SRRM4: variants seen among roughly 807,000 people sequenced by gnomAD.
SRRM4 encodes the protein serine/arginine repetitive matrix 4.
Under a neutral mutation model 68.9 loss-of-function variants are expected in SRRM4, and 33 were observed. The ratio of observed to expected loss-of-function variants is 0.48; its 90% CI spans 0.36 to 0.64. The LOEUF (loss-of-function observed/expected upper bound fraction) is 0.64. Among genes scored for constraint, SRRM4 ranks in the 30% least tolerant of loss-of-function variants. SRRM4 has a pLI of 0.00. For synonymous variants in SRRM4, 318 were observed against 318.8 expected (o/e 1.00, Z 0.03); for missense variants, 817 against 827.1 (o/e 0.99, Z 0.15).
At chr12:119,040,684 C>A (rs1313954696) in intron 1 of SRRM4, among the ~76,000 whole-genome samples, 1 of 151,992 alleles carries the variant, frequency 6.6e-6, no homozygotes, top group East Asian at 1.9e-4. Flanking sequence ...GGAATAATGA[C>A]TTCTTTTCTG....
intron 1 of SRRM4, among the ~76,000 whole-genome samples, chr12:119,006,882 G>T (rs1357676827): frequency 2.6e-5 from 4 of 152,224 alleles, no homozygotes; most frequent in African/African-American, 9.6e-5. Flanking sequence ...ATCTCTCCTG[G>T]CTGGAGACCG....
chr12:118,994,413 C>T (rs549623629), intron 1 of SRRM4, among the ~76,000 whole-genome samples: 46 of 152,252 alleles, frequency 3.0e-4, no homozygotes, highest in African/African-American at 1.1e-3. Flanking sequence ...AGACTCCCGG[C>T]TTGCAACTTG....
intron 8 of SRRM4, among the ~76,000 whole-genome samples, chr12:119,143,001 C>G (rs1954375586): frequency 6.6e-6 from 1 of 152,194 alleles, no homozygotes; most frequent in South Asian, 2.1e-4. Flanking sequence ...CCAGAGCAAC[C>G]TTATTTTGAG....
intron 2 of SRRM4, among the ~76,000 whole-genome samples, chr12:119,106,439 G>A (rs1307657440): frequency 2.0e-5 from 3 of 152,104 alleles, no homozygotes; most frequent in African/African-American, 7.2e-5. Flanking sequence ...TCCTATCCAT[G>A]AGCATGGAAT....
At chr12:119,011,256 C>G (rs149787952) in intron 1 of SRRM4, among the ~76,000 whole-genome samples, 2 of 152,094 alleles carry the variant, frequency 1.3e-5, no homozygotes, top group Non-Finnish European at 2.9e-5. Context: ...AAACAAAGTA[C>G]TATGAAGAAG....
At chr12:119,055,901 G>T (rs772075229) in intron 1 of SRRM4, among the ~76,000 whole-genome samples, 1 of 152,168 alleles carries the variant, frequency 6.6e-6, no homozygotes, top group Non-Finnish European at 1.5e-5. Flanking sequence ...GCAGGTGTAG[G>T]TGCCTGCCCT....
intron 1 of SRRM4, among the ~76,000 whole-genome samples, chr12:119,023,094 A>G (rs1008750674): frequency 1.3e-5 from 2 of 152,190 alleles, no homozygotes; most frequent in Admixed American, 6.5e-5. Context: ...GCTTCCATCA[A>G]TTCATTCTCT....
chr12:118,998,346 G>C (rs1253131806), intron 1 of SRRM4, among the ~76,000 whole-genome samples: 1 of 150,012 alleles, frequency 6.7e-6, no homozygotes, highest in Non-Finnish European at 1.5e-5. Context: ...TTGTGGTCTG[G>C]AGCACTGTAT....
At chr12:119,074,649 T>TA in intron 1 of SRRM4, among the ~76,000 whole-genome samples, 1 of 152,128 alleles carries the variant, frequency 6.6e-6, no homozygotes, top group East Asian at 1.9e-4. Flanking sequence ...AGCACCTTAT[T>TA]ACTTGCCCTA....
At chr12:119,101,410 G>C (rs1954077137) in intron 1 of SRRM4, among the ~76,000 whole-genome samples, 1 of 152,042 alleles carries the variant, frequency 6.6e-6, no homozygotes, top group South Asian at 2.1e-4. Flanking sequence ...GGCAGAGTTG[G>C]GGGCTGCAGG....
intron 7 of SRRM4, among the ~76,000 whole-genome samples, chr12:119,126,049 A>T (rs1196455331): frequency 2.0e-5 from 2 of 100,704 alleles, no homozygotes; most frequent in Non-Finnish European, 3.6e-5. Context: ...TTTGAGACAG[A>T]GTCTCACCCT....
In SRRM4 at chr12:119,156,906, T is replaced by C; in HGVS notation, c.*108T>C. 1 of 1,330,390 alleles carries C rather than the reference T, an allele frequency of 7.5e-7. No individual in the cohort carries two copies. The highest frequency in any genetic ancestry group is 1.5e-5 in the South Asian group (1 of 65,568). The allele number at this position is 1,330,390 out of a possible 1,614,324, so 82.4% of individuals were successfully genotyped here. A position where few individuals can be genotyped will look rare whatever the true frequency, so the allele number is the denominator to read the frequency against. ...ACAAATAGTGAGGGCTCCTATACCT[T>C]GTCCTTCCTGCTTGCCTAGGGGAAG... On this transcript the variant is annotated 3_prime_UTR_variant, in exon 13 of 13. Transcript: ENST00000267260.
Position 119,159,925 on chromosome 12 carries a change from G to A in SRRM4, c.*3127G>A, listed in dbSNP as rs1352086069. ...GGAAGGAGCAGCCAGATGTTCCACA[G>A]GACCCCACCAAGAAGGTCATTTCCA... is the stretch of plus-strand genomic sequence containing the variant. On this transcript the variant is annotated 3_prime_UTR_variant, in exon 13 of 13. Transcript: ENST00000267260. 6.6e-6 allele frequency: 1 copy of A among 151,426 alleles called. No homozygotes were observed. Among genetic ancestry groups the A allele is most frequent in the African/African-American group, 2.4e-5 (1 of 41,246 alleles). 9.4% of individuals were successfully genotyped at this position (151,426 alleles called of 1,614,324 possible).
intron 12 of SRRM4, 44 bp from the exon 13 acceptor site, chr12:119,156,451 A>G: frequency 6.5e-7 from 1 of 1,531,778 alleles, no homozygotes; most frequent in Non-Finnish European, 8.8e-7. Flanking sequence ...GCGGGGAGGC[A>G]CGGAGGGGCC....
intron 1 of SRRM4, among the ~76,000 whole-genome samples, chr12:119,058,971 T>G (rs1953794100): frequency 6.6e-6 from 1 of 152,128 alleles, no homozygotes; most frequent in Admixed American, 6.5e-5. Flanking sequence ...ACAGAAAAAG[T>G]TGCCTTCAAA....
chr12:119,011,347 G>A (rs1953448441), intron 1 of SRRM4, among the ~76,000 whole-genome samples: 1 of 152,176 alleles, frequency 6.6e-6, no homozygotes, highest in Non-Finnish European at 1.5e-5. Flanking sequence ...CTTGTGGGGA[G>A]CTGTCCTGTG....
intron 1 of SRRM4, among the ~76,000 whole-genome samples, chr12:119,089,340 T>C (rs1365479095): frequency 1.3e-5 from 2 of 152,094 alleles, no homozygotes; most frequent in African/African-American, 2.4e-5. Flanking sequence ...AATCCTGAGG[T>C]AATGGGTTTG....
intron 1 of SRRM4, among the ~76,000 whole-genome samples, chr12:118,996,609 G>A (rs761046456): frequency 2.6e-5 from 4 of 152,150 alleles, no homozygotes; most frequent in Admixed American, 6.5e-5. Context: ...ATTCCTAAAC[G>A]AAGCTCTGTG....
intron 2 of SRRM4, among the ~76,000 whole-genome samples, chr12:119,103,316 CAT>C (rs890673758): frequency 5.9e-4 from 90 of 152,058 alleles, no homozygotes; most frequent in African/African-American, 2.0e-3. Context: ...CGTAGGTAAA[CAT>C]GTGTCATAGG....
Sources: allele counts gnomAD v4.1 joint callset (sites outside exome capture counted in the v4.1 genomes callset), GRCh38; gene constraint gnomAD v4.1.1; transcripts MANE v1.5; gene names NCBI Gene and HGNC (gene_info 2026-07-23, HGNC 2026-07-21).